TMIGD3: variants seen among roughly 807,000 people sequenced by gnomAD.
TMIGD3 encodes transmembrane and immunoglobulin domain containing 3.
TMIGD3 carries 21 observed loss-of-function variants against 28.1 expected under a neutral mutation model. That is an observed-to-expected ratio of 0.75 (90% CI 0.53 to 1.08). TMIGD3 has a LOEUF of 1.08. TMIGD3 is among the 50% of genes least tolerant of loss of function. The probability of loss-of-function intolerance (pLI) is 0.00; values close to 1 mark genes in which losing one functional copy is unlikely to be tolerated. For synonymous variants in TMIGD3, 151 were observed against 162.1 expected (o/e 0.93, Z 0.52); for missense variants, 416 against 435.6 (o/e 0.96, Z 0.40).
upstream of TMIGD3, among the ~76,000 whole-genome samples, chr1:111,506,914 T>TAC (rs35175909): frequency 7.4e-5 from 1 of 13,572 alleles, no homozygotes; most frequent in Non-Finnish European, 1.8e-4. Flanking sequence ...ATATATATAT[T>TAC]ATATATATAT....
chr1:111,557,832 CA>C (rs1657564488), intron 1 of TMIGD3, among the ~76,000 whole-genome samples: 1 of 152,078 alleles, frequency 6.6e-6, no homozygotes, highest in African/African-American at 2.4e-5. Context: ...TGAACAGTGA[CA>C]GCATAAAAAT....
In TMIGD3 at chr1:111,490,743, G is replaced by A. The variant is rs1654619539; in HGVS notation, c.370C>T (p.Pro124Ser). The A allele has an allele frequency of 6.2e-7, 1 of 1,613,660 alleles. No individual in the cohort carries two copies. Among genetic ancestry groups the A allele is most frequent in the African/African-American group, 1.3e-5 (1 of 74,914 alleles). ...AACTGGAATGATAGAATGCACCCAG[G>A]GAGCCCAGGAATTCTGAATCTGTTT... ...LTVRFRIPGLPGCILSFQLKV... is the reference protein window; with the variant it reads ...LTVRFRIPGLSGCILSFQLKV... The change falls in exon 2 of 6, where the codon CCT becomes TCT. Residue 124 changes from proline (P) to serine (S), a missense_variant. Physicochemically the swap from Pro to Ser is moderately conservative, Grantham distance 74 (BLOSUM62 -1). Coordinates refer to ENST00000369716, the MANE Select transcript of TMIGD3 (RefSeq NM_020683.7).
chr1:111,546,792 T>C (rs1259871373), intron 1 of TMIGD3, among the ~76,000 whole-genome samples: 1 of 152,186 alleles, frequency 6.6e-6, no homozygotes, highest in Non-Finnish European at 1.5e-5. Flanking sequence ...TACCCAGAAA[T>C]AGAATTGCTG....
chr1:111,521,927 T>G (rs1656075540), intron 1 of TMIGD3, among the ~76,000 whole-genome samples: 1 of 152,238 alleles, frequency 6.6e-6, no homozygotes, highest in South Asian at 2.1e-4. Context: ...CAAGTTAATT[T>G]TTGTATATGG....
intron 1 of TMIGD3, chr1:111,499,559 C>CGGAG (rs1655053292): frequency 9.8e-7 from 1 of 1,017,634 alleles, no homozygotes; most frequent in African/African-American, 1.7e-5. Context: ...GTTCTCTGCT[C>CGGAG]AATTCCACAA....
intron 1 of TMIGD3, among the ~76,000 whole-genome samples, chr1:111,536,122 G>A (rs1399361697): frequency 1.3e-5 from 2 of 152,110 alleles, no homozygotes; most frequent in African/African-American, 4.8e-5. Flanking sequence ...GTGAGAAATA[G>A]TCCTTCAGCT....
At chr1:111,538,135 C>T (rs1463750528) in intron 1 of TMIGD3, among the ~76,000 whole-genome samples, 1 of 152,134 alleles carries the variant, frequency 6.6e-6, no homozygotes, top group African/African-American at 2.4e-5. Flanking sequence ...AAATACACTT[C>T]CTATGATGTG....
At chr1:111,527,304 G>T (rs546728988) in intron 1 of TMIGD3, among the ~76,000 whole-genome samples, 1 of 152,078 alleles carries the variant, frequency 6.6e-6, no homozygotes, top group East Asian at 1.9e-4. Context: ...GAGCCACCGC[G>T]CCTGACCCTC....
intron 1 of TMIGD3, among the ~76,000 whole-genome samples, chr1:111,515,568 A>G (rs1655833003): frequency 6.6e-6 from 1 of 152,190 alleles, no homozygotes; most frequent in Non-Finnish European, 1.5e-5. Flanking sequence ...AGAGGCGATG[A>G]GCACCGGGCC....
At chr1:111,513,575 C>T (rs1262524840) in intron 1 of TMIGD3, among the ~76,000 whole-genome samples, 1 of 152,182 alleles carries the variant, frequency 6.6e-6, no homozygotes, top group African/African-American at 2.4e-5. Context: ...CCCAGGCCTC[C>T]AAGATAAAAT....
rs78636433 is a variant in TMIGD3, at chr1:111,543,538, C to T, written c.107+20308G>A. ...TGTTAACACAATCCTTTCTGGGTGT[C>T]TTAATGCTTTGAGAAAATGAACAGT... On this transcript the variant is annotated intron_variant, in intron 1 of 5. Coordinates refer to the TMIGD3 transcript ENST00000369717. Among the ~76,000 whole-genome samples the T allele has an allele frequency of 1.7e-3, 263 of 152,184 alleles. 6 individuals carry two copies. The East Asian group carries it at 0.045, about 26-fold the overall frequency.
chr1:111,509,093 TCAAACAAA>T (rs576727446), intron 1 of TMIGD3, among the ~76,000 whole-genome samples: 8 of 152,118 alleles, frequency 5.3e-5, no homozygotes, highest in Non-Finnish European at 5.9e-5. Flanking sequence ...AGACTCCGTC[TCAAACAAA>T]CAAACAAACA....
chr1:111,529,897 C>T (rs188512323), intron 1 of TMIGD3, among the ~76,000 whole-genome samples: 39,871 of 144,800 alleles, frequency 0.28, 5,539 homozygotes, highest in Admixed American at 0.42. Context: ...ACCTCCCAGA[C>T]GGGGCGGCTG....
intron 1 of TMIGD3, among the ~76,000 whole-genome samples, chr1:111,531,285 A>G (rs534782694): frequency 2.2e-4 from 31 of 144,006 alleles, no homozygotes; most frequent in African/African-American, 7.4e-4. Flanking sequence ...TCCAGAAAAG[A>G]AAAAAAAAAA....
At chr1:111,503,682 C>T (rs1051044272), upstream of TMIGD3, 29 of 1,078,342 alleles carry the variant, frequency 2.7e-5, no homozygotes, top group Middle Eastern at 4.4e-4. Context: ...ATGTCCTCAA[C>T]GCCTCTGCCT....
rs7523297 is a variant in TMIGD3 at position 111,543,107 on chromosome 1, C to T, written c.107+20739G>A. ...ATTTCTGAAGAAATTATTTCTGCTA[C>T]ACACACACAGACACATACACAGAGA... On this transcript the variant is annotated intron_variant, in intron 1 of 5. Transcript: ENST00000369717. Among the ~76,000 whole-genome samples, 1,160 of 152,168 alleles carry T rather than the reference C, an allele frequency of 7.6e-3. 12 individuals are homozygous for T. Among genetic ancestry groups the T allele is most frequent in the African/African-American group, 0.027 (1,115 of 41,504 alleles).
At chr1:111,493,309 C>T (rs1439402960) in intron 1 of TMIGD3, among the ~76,000 whole-genome samples, 2 of 152,144 alleles carry the variant, frequency 1.3e-5, no homozygotes, top group Non-Finnish European at 2.9e-5. Flanking sequence ...CCATCATTGT[C>T]ATCATGGTAA....
At chr1:111,536,496 T>C (rs1367178167) in intron 1 of TMIGD3, among the ~76,000 whole-genome samples, 2 of 152,162 alleles carry the variant, frequency 1.3e-5, no homozygotes, top group Admixed American at 1.3e-4. Flanking sequence ...TTACGATAAA[T>C]TGCTGTATAC....
At chr1:111,494,499 T>TA (rs1654803565) in intron 1 of TMIGD3, among the ~76,000 whole-genome samples, 1 of 152,156 alleles carries the variant, frequency 6.6e-6, no homozygotes, top group South Asian at 2.1e-4. Flanking sequence ...GAATACAGCT[T>TA]ACCAGGGAGG....
Sources: allele counts gnomAD v4.1 joint callset (sites outside exome capture counted in the v4.1 genomes callset), GRCh38; gene constraint gnomAD v4.1.1; transcripts MANE v1.5; gene names NCBI Gene and HGNC (gene_info 2026-07-23, HGNC 2026-07-21).